The following ARID5B variants were observed in gnomAD, a reference collection of about 807,000 sequenced individuals.
The protein encoded by ARID5B is AT-rich interactive domain-containing protein 5B.
A neutral mutation model predicts 97.2 loss-of-function variants in ARID5B; 13 were observed. The observed-to-expected ratio is 0.13, with a 90% CI of 0.09 to 0.21. ARID5B has a LOEUF of 0.21. Among genes scored for constraint, ARID5B ranks in the 10% least tolerant of loss-of-function variants. ARID5B has a pLI of 1.00. For missense variants in ARID5B, 1,210 were observed against 1,465.3 expected (o/e 0.83, Z 2.84); for synonymous variants, 556 against 570.3 (o/e 0.97, Z 0.36).
intron 5 of ARID5B, among the ~76,000 whole-genome samples, chr10:62,054,670 C>T (rs1387303170): frequency 6.6e-6 from 1 of 152,220 alleles, no homozygotes; most frequent in Non-Finnish European, 1.5e-5. Flanking sequence ...GCTCTCTACA[C>T]ACCAAGGAGC....
intron 3 of ARID5B, among the ~76,000 whole-genome samples, chr10:61,983,254 C>G (rs1589245658): frequency 6.6e-6 from 1 of 152,126 alleles, no homozygotes; most frequent in Non-Finnish European, 1.5e-5. Flanking sequence ...AAATACAAAC[C>G]TCAGTTTTCT....
intron 7 of ARID5B, among the ~76,000 whole-genome samples, chr10:62,066,640 G>A (rs1839993239): frequency 1.3e-5 from 2 of 152,164 alleles, no homozygotes; most frequent in African/African-American, 4.8e-5. Flanking sequence ...GCTTCCTGTG[G>A]CTACCGTTTC....
intron 3 of ARID5B, among the ~76,000 whole-genome samples, chr10:61,985,358 G>A (rs1838832956): frequency 6.6e-6 from 1 of 151,866 alleles, no homozygotes; most frequent in Non-Finnish European, 1.5e-5. Flanking sequence ...AGGGATGGTG[G>A]CTTTTGGTCT....
intron 3 of ARID5B, among the ~76,000 whole-genome samples, chr10:61,944,388 T>G (rs1157026179): frequency 6.6e-6 from 1 of 152,194 alleles, no homozygotes; most frequent in African/African-American, 2.4e-5. Context: ...CCATATTTGG[T>G]ATGGCAGTTG....
At chr10:62,017,318 T>G in intron 4 of ARID5B, among the ~76,000 whole-genome samples, 1 of 152,010 alleles carries the variant, frequency 6.6e-6, no homozygotes, top group Admixed American at 6.6e-5. Context: ...CCAGGTGTGG[T>G]GACATGCCCC....
At chr10:61,927,518 G>A (rs1317905675) in intron 2 of ARID5B, among the ~76,000 whole-genome samples, 11 of 152,162 alleles carry the variant, frequency 7.2e-5, no homozygotes, top group Admixed American at 7.2e-4. Context: ...TGGTGCTTTG[G>A]GCCCAACACA....
intron 3 of ARID5B, among the ~76,000 whole-genome samples, chr10:61,982,425 A>G (rs1838789227): frequency 6.6e-6 from 1 of 152,196 alleles, no homozygotes; most frequent in South Asian, 2.1e-4. Flanking sequence ...CCATTAAAGT[A>G]TAAGGGTTTG....
At chr10:62,026,519 G>C (rs1353640127) in intron 4 of ARID5B, among the ~76,000 whole-genome samples, 4 of 152,136 alleles carry the variant, frequency 2.6e-5, no homozygotes, top group African/African-American at 7.2e-5. Context: ...CTCCAATAGA[G>C]CTAAATGAAT....
chr10:61,955,025 C>G (rs1225609930), intron 3 of ARID5B, among the ~76,000 whole-genome samples: 1 of 150,634 alleles, frequency 6.6e-6, no homozygotes, highest in Non-Finnish European at 1.5e-5. Context: ...AAAAAGCAAT[C>G]TATGATGTGC....
At chr10:61,909,160 G>T (rs571238058) in intron 2 of ARID5B, among the ~76,000 whole-genome samples, 1 of 151,936 alleles carries the variant, frequency 6.6e-6, no homozygotes, top group African/African-American at 2.4e-5. Context: ...GTAACCTGTC[G>T]TGCACTTTAT....
chr10:62,072,376 C>T (rs1840076699), intron 8 of ARID5B, among the ~76,000 whole-genome samples: 2 of 152,224 alleles, frequency 1.3e-5, no homozygotes, highest in African/African-American at 2.4e-5. Flanking sequence ...TTTTCTCTCC[C>T]TGCCTCCCAG....
Position 61,916,230 on chromosome 10 carries a change from T to A in ARID5B, c.276+13817T>A, listed in dbSNP as rs940853996. 7.2e-5 allele frequency among the ~76,000 whole-genome samples: 11 copies of A among 152,130 alleles called. No homozygotes were observed. The East Asian group carries it at 1.5e-3, about 21-fold the overall frequency. ...CACCCCACCCAGCTAATTTTTATATTTTTTTTAGTAGAGATGGGGTTTTGC... is the reference window on the plus strand; with the variant it reads ...CACCCCACCCAGCTAATTTTTATATATTTTTTAGTAGAGATGGGGTTTTGC... On this transcript the variant is annotated intron_variant, in intron 2 of 9. Transcript: ENST00000279873.
intron 4 of ARID5B, among the ~76,000 whole-genome samples, chr10:62,040,220 T>A (rs751803754): frequency 7.2e-5 from 11 of 152,176 alleles, no homozygotes; most frequent in Non-Finnish European, 1.5e-4. Flanking sequence ...GTTAAGAAAG[T>A]TAATGAAATA....
intron 4 of ARID5B, among the ~76,000 whole-genome samples, chr10:62,044,746 TTTGCAGTA>T (rs1839684567): frequency 6.6e-6 from 1 of 152,174 alleles, no homozygotes; most frequent in Non-Finnish European, 1.5e-5. Context: ...TAATGAAACT[TTTGCAGTA>T]TTGTGTTTCC....
At chr10:62,006,168 G>A (rs11814943) in intron 4 of ARID5B, among the ~76,000 whole-genome samples, 3,289 of 152,238 alleles carry the variant, frequency 0.022, 112 homozygotes, top group African/African-American at 0.074. Flanking sequence ...CAGGCTGGGC[G>A]TGGTGGTTCA....
intron 3 of ARID5B, among the ~76,000 whole-genome samples, chr10:61,959,889 G>C (rs190487983): frequency 1.6e-3 from 241 of 152,298 alleles, no homozygotes; most frequent in Non-Finnish European, 2.5e-3. Context: ...CCTATGGACT[G>C]TCTACCCAGA....
intron 4 of ARID5B, among the ~76,000 whole-genome samples, chr10:62,040,242 A>G (rs999928942): frequency 6.6e-6 from 1 of 152,196 alleles, no homozygotes; most frequent in Non-Finnish European, 1.5e-5. Flanking sequence ...CATCTTCATC[A>G]GGGCCATTTA....
At chr10:62,085,120 A>C (rs1460497344) in intron 8 of ARID5B, among the ~76,000 whole-genome samples, 1 of 152,242 alleles carries the variant, frequency 6.6e-6, no homozygotes, top group Non-Finnish European at 1.5e-5. Context: ...CAAATTGTTT[A>C]ACCTTTATAG....
chr10:61,987,365 A>C (rs1374625123), intron 3 of ARID5B, among the ~76,000 whole-genome samples: 1 of 152,230 alleles, frequency 6.6e-6, no homozygotes, highest in Non-Finnish European at 1.5e-5. Flanking sequence ...CCAGGGTGTT[A>C]GGAATTCAGA....
Sources: allele counts gnomAD v4.1 joint callset (sites outside exome capture counted in the v4.1 genomes callset), GRCh38; gene constraint gnomAD v4.1.1; transcripts MANE v1.5; gene names NCBI Gene and HGNC (gene_info 2026-07-23, HGNC 2026-07-21).